Variants in WLS observed in about 807,000 individuals in gnomAD.
WLS encodes Wnt ligand secretion mediator.
WLS carries 23 observed loss-of-function variants against 62.8 expected under a neutral mutation model. The observed-to-expected ratio is 0.37, with a 90% CI of 0.26 to 0.52. The LOEUF is 0.52. Ranked by LOEUF, WLS falls within the 20% of genes least tolerant of loss-of-function variation. WLS has a pLI of 0.92. For missense variants in WLS, 615 were observed against 697.3 expected (o/e 0.88, Z 1.33); for synonymous variants, 246 against 244.1 (o/e 1.01, Z -0.07).
intron 6 of WLS, 44 bp downstream of exon 6, chr1:68,150,144 C>T (rs1274088951): frequency 1.3e-6 from 2 of 1,598,984 alleles, no homozygotes; most frequent in South Asian, 2.3e-5. Flanking sequence ...GCAGCCTGCA[C>T]AGAGCAGCTG....
intron 3 of WLS, among the ~76,000 whole-genome samples, chr1:68,156,606 C>T (rs953272791): frequency 3.9e-5 from 6 of 152,150 alleles, no homozygotes; most frequent in African/African-American, 1.4e-4. Context: ...ACCAATCAGT[C>T]GTCAACAGTT....
At chr1:68,224,783 G>C (rs2100666915) in intron 1 of WLS, among the ~76,000 whole-genome samples, 1 of 152,010 alleles carries the variant, frequency 6.6e-6, no homozygotes, top group East Asian at 1.9e-4. Context: ...AAGGTGGGGG[G>C]GATTGAGCTT....
chr1:68,152,126 T>G (rs1646834762), intron 5 of WLS, among the ~76,000 whole-genome samples: 1 of 152,176 alleles, frequency 6.6e-6, no homozygotes, highest in Admixed American at 6.5e-5. Flanking sequence ...TGCCTTTTAC[T>G]GAAATGGGGA....
intron 2 of WLS, among the ~76,000 whole-genome samples, chr1:68,185,893 G>A (rs532001428): frequency 5.9e-5 from 9 of 152,282 alleles, no homozygotes; most frequent in South Asian, 2.1e-4. Flanking sequence ...GGCCATAAGC[G>A]AGTGACTCAA....
chr1:68,100,627 T>G (rs1434213929), intron 11 of WLS: 2 of 152,178 alleles, frequency 1.3e-5, no homozygotes, highest in Non-Finnish European at 2.9e-5. Flanking sequence ...CACTTTCCAG[T>G]TGTGAGACTG....
intron 8 of WLS, among the ~76,000 whole-genome samples, chr1:68,146,987 G>A (rs1298543616): frequency 1.3e-5 from 2 of 152,178 alleles, no homozygotes; most frequent in East Asian, 3.9e-4. Flanking sequence ...CCAGGTTCAA[G>A]CGATTCTCCT....
At chr1:68,176,144 A>G (rs1647248770) in intron 2 of WLS, among the ~76,000 whole-genome samples, 1 of 152,212 alleles carries the variant, frequency 6.6e-6, no homozygotes, top group African/African-American at 2.4e-5. Flanking sequence ...CCAACAGAGA[A>G]GCCTGAGAGG....
At chr1:68,197,297 A>G (rs1047924069) in intron 1 of WLS, among the ~76,000 whole-genome samples, 5 of 151,500 alleles carry the variant, frequency 3.3e-5, no homozygotes, top group Admixed American at 2.6e-4. Flanking sequence ...TCCTCTCATT[A>G]GTCTAGTGTT....
intron 5 of WLS, 124 bp from the exon 6 acceptor site, chr1:68,150,480 A>C: frequency 7.5e-7 from 1 of 1,329,050 alleles, no homozygotes; most frequent in Non-Finnish European, 1.0e-6. Flanking sequence ...CATATGATCA[A>C]TTTCTTCTGC....
intron 2 of WLS, among the ~76,000 whole-genome samples, chr1:68,168,666 A>G (rs568167360): frequency 2.0e-5 from 3 of 152,344 alleles, no homozygotes; most frequent in Admixed American, 2.0e-4. Flanking sequence ...AAAAAATTAA[A>G]GAGGTTTCAA....
At chr1:68,139,519 C>T (rs781454287) in intron 10 of WLS, among the ~76,000 whole-genome samples, 4 of 152,144 alleles carry the variant, frequency 2.6e-5, no homozygotes, top group Non-Finnish European at 5.9e-5. Flanking sequence ...TAGGCTGTCA[C>T]GCATCCTAGC....
In WLS at chr1:68,232,287, T is replaced by A; in HGVS notation, c.13A>T (p.Ile5Phe). 6.2e-7 allele frequency: 1 copy of A among 1,613,828 alleles called. No homozygotes were observed. The highest frequency in any genetic ancestry group is 8.5e-7 in the Non-Finnish European group (1 of 1,179,890). Reference protein sequence around the residue: MAGAIIENMSTKKLC... With the variant: MAGAFIENMSTKKLC... ...TTCTTGGTGCTCATGTTTTCTATAA[T>A]TGCCCCAGCCATTTTTGCGCCCCCC... is the stretch of plus-strand genomic sequence containing the variant. Residue 5 changes from isoleucine to phenylalanine, a missense_variant, in exon 1 of 12, where the codon ATT (isoleucine) becomes TTT (phenylalanine). Coordinates refer to ENST00000262348, the MANE Select transcript of WLS (RefSeq NM_024911.7).
intron 8 of WLS, among the ~76,000 whole-genome samples, chr1:68,146,251 G>C (rs115755207): frequency 2.8e-4 from 42 of 152,328 alleles, no homozygotes; most frequent in African/African-American, 9.9e-4. Flanking sequence ...AAAAGAAATG[G>C]TGTCTTGCTT....
intron 1 of WLS, among the ~76,000 whole-genome samples, chr1:68,215,382 G>A (rs193002991): frequency 2.6e-5 from 4 of 152,244 alleles, no homozygotes; most frequent in South Asian, 2.1e-4. Context: ...ATCAATCAAC[G>A]AAATGTAAAT....
At chr1:68,098,836 G>GGT in intron 11 of WLS, 1 of 1,480,844 alleles carries the variant, frequency 6.8e-7, no homozygotes, top group Non-Finnish European at 9.0e-7. Flanking sequence ...CCAAGGCTCA[G>GGT]GTAACTATAA....
At chr1:68,122,938 T>C (rs559570659), downstream of WLS, among the ~76,000 whole-genome samples, 1 of 152,352 alleles carries the variant, frequency 6.6e-6, no homozygotes, top group South Asian at 2.1e-4. Flanking sequence ...TGTCTCAGGA[T>C]GAAAGTGTCT....
At chr1:68,110,952 T>C (rs944596695) in intron 11 of WLS, among the ~76,000 whole-genome samples, 7 of 152,146 alleles carry the variant, frequency 4.6e-5, no homozygotes, top group Non-Finnish European at 8.8e-5. Flanking sequence ...TGAAGAAATT[T>C]AGAATATTTT....
chr1:68,123,673 G>A (rs1044227963), downstream of WLS, among the ~76,000 whole-genome samples: 1 of 152,074 alleles, frequency 6.6e-6, no homozygotes, highest in African/African-American at 2.4e-5. Context: ...GATGGACACC[G>A]ATCTATAAGG....
chr1:68,117,662 G>T (rs1339691500), intron 11 of WLS: 2 of 152,256 alleles, frequency 1.3e-5, no homozygotes, highest in Admixed American at 1.3e-4. Context: ...CCTCTGTGCT[G>T]CAGTGGACGC....
Sources: gnomAD v4.1 joint callset for allele counts (sites outside exome capture counted in the v4.1 genomes callset) on GRCh38, gnomAD v4.1.1 for gene constraint, MANE v1.5 for transcripts, NCBI Gene and HGNC (gene_info 2026-07-23, HGNC 2026-07-21) for gene names.